SUPT3H: variants seen among roughly 807,000 people sequenced by gnomAD.
The protein encoded by SUPT3H is SPT3 homolog, SAGA and STAGA complex component.
Under a neutral mutation model 44.3 loss-of-function variants are expected in SUPT3H, and 44 were observed. That is an observed-to-expected ratio of 0.99 (90% CI 0.78 to 1.28). SUPT3H has a LOEUF of 1.28. Ranked by LOEUF, SUPT3H falls within the 50% of genes most tolerant of loss-of-function variation. The probability of loss-of-function intolerance (pLI) is 0.00; values close to 1 mark genes in which losing one functional copy is unlikely to be tolerated. For synonymous variants in SUPT3H, 124 were observed against 125.6 expected, an observed-to-expected ratio of 0.99 and a Z score of 0.09; for missense variants, 380 against 387.1, an observed-to-expected ratio of 0.98 and a Z score of 0.15.
chr6:45,089,777 C>T (rs964942494), intron 3 of SUPT3H, among the ~76,000 whole-genome samples: 19 of 151,922 alleles, frequency 1.3e-4, no homozygotes, highest in Non-Finnish European at 2.7e-4. Flanking sequence ...GCAATATCCT[C>T]CTTATAACTG....
chr6:45,290,017 A>G (rs2149856403), intron 2 of SUPT3H, among the ~76,000 whole-genome samples: 1 of 152,098 alleles, frequency 6.6e-6, no homozygotes, highest in South Asian at 2.1e-4. Flanking sequence ...CATCTTTACA[A>G]AAATTTTAAA....
At chr6:45,081,398 T>G (rs2153558537) in intron 3 of SUPT3H, among the ~76,000 whole-genome samples, 1 of 152,224 alleles carries the variant, frequency 6.6e-6, no homozygotes, top group East Asian at 1.9e-4. Flanking sequence ...TAATCTAACA[T>G]TATTACTCCC....
chr6:44,892,541 G>A (rs1235649334), intron 10 of SUPT3H, among the ~76,000 whole-genome samples: 1 of 152,156 alleles, frequency 6.6e-6, no homozygotes, highest in Admixed American at 6.6e-5. Context: ...CTAAGACAAA[G>A]TCTACAGTTA....
rs192095606 is a variant in SUPT3H at position 45,176,414 on chromosome 6, G to C, written c.102-70408C>G. ...TGAGATTATATCTCACACCTGGCTC[G>C]GAGGGTCCTACGCCCACGGAGTCTC... On this transcript the variant is annotated intron_variant, in intron 2 of 10. Transcript: ENST00000371459. Among the ~76,000 whole-genome samples the C allele has an allele frequency of 8.7e-3, 1,318 of 151,984 alleles. 14 individuals are homozygous for C. Among genetic ancestry groups the C allele is most frequent in the Middle Eastern group, 0.014 (4 of 294 alleles).
intron 2 of SUPT3H, among the ~76,000 whole-genome samples, chr6:45,129,752 T>TA (rs2153583448): frequency 6.6e-6 from 1 of 152,256 alleles, no homozygotes; most frequent in Admixed American, 6.5e-5. Context: ...CGTATACTAC[T>TA]TATGGATTTT....
At chr6:45,299,067 C>T (rs1781729082) in intron 2 of SUPT3H, among the ~76,000 whole-genome samples, 1 of 151,898 alleles carries the variant, frequency 6.6e-6, no homozygotes, top group African/African-American at 2.4e-5. Context: ...CATGAAGTGC[C>T]CAGGAGCAGT....
intron 2 of SUPT3H, among the ~76,000 whole-genome samples, chr6:45,348,512 C>CAAAAA (rs754208599): frequency 4.5e-5 from 5 of 110,366 alleles, no homozygotes; most frequent in Admixed American, 1.0e-4. Flanking sequence ...ACTAAAAATA[C>CAAAAA]AAAAAAAAAA....
chr6:45,014,062 T>C (rs903877063), intron 5 of SUPT3H, among the ~76,000 whole-genome samples: 8 of 152,072 alleles, frequency 5.3e-5, no homozygotes, highest in Non-Finnish European at 7.4e-5. Flanking sequence ...GGGGAGAGAC[T>C]CTGCCATCCT....
intron 2 of SUPT3H, among the ~76,000 whole-genome samples, chr6:45,269,759 T>C (rs73735338): frequency 0.13 from 20,175 of 152,218 alleles, 1,560 homozygotes; most frequent in East Asian, 0.26. Context: ...TTATTGATCA[T>C]TTAACAATTT....
chr6:44,961,024 A>G, intron 7 of SUPT3H, among the ~76,000 whole-genome samples: 1 of 152,254 alleles, frequency 6.6e-6, no homozygotes, highest in East Asian at 1.9e-4. Context: ...GTCATGTGCT[A>G]CTTTGTCATA....
intron 2 of SUPT3H, among the ~76,000 whole-genome samples, chr6:45,125,523 A>G (rs1199851699): frequency 6.6e-6 from 1 of 152,142 alleles, no homozygotes; most frequent in African/African-American, 2.4e-5. Flanking sequence ...GATGCAAAAG[A>G]TTCTTGCATT....
chr6:45,269,711 T>C (rs1271745203), intron 2 of SUPT3H, among the ~76,000 whole-genome samples: 1 of 152,192 alleles, frequency 6.6e-6, no homozygotes, highest in Non-Finnish European at 1.5e-5. Context: ...CTTTATACAC[T>C]TGCCTCCCAT....
At chr6:45,211,198 T>C (rs1319214254) in intron 2 of SUPT3H, among the ~76,000 whole-genome samples, 2 of 152,168 alleles carry the variant, frequency 1.3e-5, no homozygotes, top group East Asian at 3.8e-4. Context: ...ACTTACATGG[T>C]TAAAAAATCT....
At chr6:45,186,520 A>G (rs552129702) in intron 2 of SUPT3H, among the ~76,000 whole-genome samples, 10 of 152,330 alleles carry the variant, frequency 6.6e-5, no homozygotes, top group South Asian at 2.1e-4. Context: ...GATGCACTCA[A>G]TGTTAGAGTG....
Position 45,322,136 on chromosome 6 carries a change from C to T in SUPT3H, c.101+43065G>A, listed in dbSNP as rs114078756. ...TGATCTCTACTGGTCACTAAAAAAG[C>T]TAGTTTTAGAAAACTAGAAATACTT... On this transcript the variant is annotated intron_variant, in intron 2 of 10. Transcript: ENST00000371459. 3.9e-3 allele frequency among the ~76,000 whole-genome samples: 585 copies of T among 151,912 alleles called. 1 individual carries two copies. Among genetic ancestry groups the T allele is most frequent in the Non-Finnish European group, 6.9e-3 (467 of 67,888 alleles).
At chr6:45,115,613 A>C (rs1244852129) in intron 2 of SUPT3H, among the ~76,000 whole-genome samples, 2 of 152,186 alleles carry the variant, frequency 1.3e-5, no homozygotes, top group Non-Finnish European at 2.9e-5. Flanking sequence ...AACAACTTCC[A>C]AAATAACTTA....
chr6:45,268,889 A>C (rs1775682829), intron 2 of SUPT3H, among the ~76,000 whole-genome samples: 1 of 152,190 alleles, frequency 6.6e-6, no homozygotes, highest in East Asian at 1.9e-4. Context: ...AAATGTTCCT[A>C]CTGCTTAACC....
At chr6:45,258,008 C>T (rs1254981335) in intron 2 of SUPT3H, among the ~76,000 whole-genome samples, 7 of 152,130 alleles carry the variant, frequency 4.6e-5, no homozygotes, top group East Asian at 3.9e-4. Context: ...TTCTCGATCA[C>T]GGAAAACCTC....
intron 10 of SUPT3H, among the ~76,000 whole-genome samples, chr6:44,931,623 T>C (rs1770606115): frequency 6.6e-6 from 1 of 152,106 alleles, no homozygotes; most frequent in Admixed American, 6.5e-5. Context: ...AAACTTCAAA[T>C]ATTAAAAGTG....
Sources: gnomAD v4.1 joint callset for allele counts (sites outside exome capture counted in the v4.1 genomes callset) on GRCh38, gnomAD v4.1.1 for gene constraint, MANE v1.5 for transcripts, NCBI Gene and HGNC (gene_info 2026-07-23, HGNC 2026-07-21) for gene names.